The following FAM210A variants were observed in gnomAD, a reference collection of about 807,000 sequenced individuals.
FAM210A encodes family with sequence similarity 210 member A.
FAM210A carries 13 observed loss-of-function variants against 25.3 expected under a neutral mutation model. The observed-to-expected ratio is 0.51, with a 90% CI of 0.33 to 0.82. FAM210A has a LOEUF of 0.82. FAM210A is among the 40% of genes least tolerant of loss of function. The probability of loss-of-function intolerance (pLI) is 0.02; values close to 1 mark genes in which losing one functional copy is unlikely to be tolerated. For missense variants in FAM210A, 319 were observed against 323.2 expected (o/e 0.99, Z 0.10); for synonymous variants, 125 against 118.7 (o/e 1.05, Z -0.35).
At chr18:13,720,439 CA>C (rs1341771123) in intron 1 of FAM210A, among the ~76,000 whole-genome samples, 1 of 152,086 alleles carries the variant, frequency 6.6e-6, no homozygotes, top group African/African-American at 2.4e-5. Context: ...CTCCAAAATC[CA>C]AAGAGGCCCA....
chr18:13,724,966 G>A (rs1359528710), intron 1 of FAM210A, among the ~76,000 whole-genome samples: 1 of 152,116 alleles, frequency 6.6e-6, no homozygotes, highest in Non-Finnish European at 1.5e-5. Context: ...TAGAGACGGG[G>A]TTTCACCATG....
In FAM210A at chr18:13,685,190, A is replaced by G. The variant is rs764435426; in HGVS notation, c.-28-3085T>C. Among the ~76,000 whole-genome samples, 6 of 152,260 alleles carry G rather than the reference A, an allele frequency of 3.9e-5. No homozygotes were observed. In the East Asian group the frequency reaches 5.8e-4, roughly 15 times the overall value. ...ACCCTATATAAATGGCTACTTTCCA[A>G]CTTGACTCTGGCATAACATCACATG... On this transcript the variant is annotated intron_variant, in intron 1 of 3. Transcript: ENST00000651643.
At position 13,666,629 on chromosome 18, in the gene FAM210A, T is replaced by A; in HGVS notation, c.670A>T (p.Thr224Ser). The A allele has an allele frequency of 6.2e-7, 1 of 1,614,214 alleles. No individual in the cohort carries two copies. Among genetic ancestry groups the A allele is most frequent in the East Asian group, 2.2e-5 (1 of 44,886 alleles). ...AGATACTCCTTGACGGGTGGCGGCG[T>A]GGACATGTAGCCATGACTGCGCAGA... is the stretch of plus-strand genomic sequence containing the variant. ...KYLRSHGYMS[T>S]PPPVKEYLQD... Residue 224 changes from threonine to serine, a missense_variant, in exon 4 of 4, where the codon ACG becomes TCG. Coordinates refer to ENST00000651643, the MANE Select transcript of FAM210A (RefSeq NM_152352.4).
At chr18:13,691,204 G>A (rs2043641474) in intron 1 of FAM210A, among the ~76,000 whole-genome samples, 1 of 152,062 alleles carries the variant, frequency 6.6e-6, no homozygotes, top group Admixed American at 6.5e-5. Flanking sequence ...GAAGTTTAGA[G>A]AAAAAAGAAT....
chr18:13,703,704 G>A (rs1302979136), intron 1 of FAM210A, among the ~76,000 whole-genome samples: 1 of 152,154 alleles, frequency 6.6e-6, no homozygotes, highest in Non-Finnish European at 1.5e-5. Flanking sequence ...TATGTGTTGT[G>A]TGTATAGCGT....
chr18:13,691,587 G>C (rs933355909), intron 1 of FAM210A, among the ~76,000 whole-genome samples: 4 of 152,110 alleles, frequency 2.6e-5, no homozygotes, highest in African/African-American at 9.7e-5. Flanking sequence ...CCAGAAGAGA[G>C]TGGGGGTCAA....
At chr18:13,713,977 T>A (rs1257975099) in intron 1 of FAM210A, among the ~76,000 whole-genome samples, 1 of 152,174 alleles carries the variant, frequency 6.6e-6, no homozygotes, top group Non-Finnish European at 1.5e-5. Flanking sequence ...TTATAACTCC[T>A]CCAGGGGTAC....
intron 1 of FAM210A, among the ~76,000 whole-genome samples, chr18:13,706,289 T>C (rs1465575390): frequency 3.3e-5 from 5 of 149,796 alleles, no homozygotes; most frequent in Admixed American, 3.3e-4. Context: ...TCTACTACCA[T>C]GAGACTCTTA....
intron 1 of FAM210A, among the ~76,000 whole-genome samples, chr18:13,682,634 T>G (rs2043565235): frequency 6.6e-6 from 1 of 150,564 alleles, no homozygotes; most frequent in Non-Finnish European, 1.5e-5. Flanking sequence ...TTTGGGAGTC[T>G]GAGGCAGGCG....
intron 1 of FAM210A, among the ~76,000 whole-genome samples, chr18:13,698,170 T>G (rs545664873): frequency 6.6e-6 from 1 of 151,744 alleles, no homozygotes; most frequent in Non-Finnish European, 1.5e-5. Flanking sequence ...CTGCCCAACA[T>G]GGTAAAACCC....
intron 1 of FAM210A, among the ~76,000 whole-genome samples, chr18:13,698,592 G>A (rs1404650425): frequency 1.3e-5 from 2 of 152,066 alleles, no homozygotes; most frequent in Non-Finnish European, 2.9e-5. Flanking sequence ...CTTGGTCAGA[G>A]TGAAACATTC....
chr18:13,696,753 A>G (rs922024249), intron 1 of FAM210A, among the ~76,000 whole-genome samples: 5 of 152,246 alleles, frequency 3.3e-5, no homozygotes, highest in African/African-American at 1.2e-4. Context: ...GCAAAAGCTT[A>G]TAAGCATAAA....
chr18:13,681,587 A>C lies in FAM210A; in HGVS notation c.473+18T>G, dbSNP rs891305620. On this transcript the variant is annotated intron_variant, in intron 2 of 3. Coordinates refer to ENST00000651643, the MANE Select transcript of FAM210A (RefSeq NM_152352.4). The stretch of plus-strand genomic sequence containing the variant: ...TCTGGTAAGACAGGGAAAGACATTC[A>C]ACTAAGCAAAAACTTACTTCAAGGC... 1.2e-5 allele frequency: 19 copies of C among 1,557,960 alleles called. No individual in the cohort carries two copies. Among genetic ancestry groups the C allele is most frequent in the Non-Finnish European group, 1.6e-5 (18 of 1,152,264 alleles).
chr18:13,671,915 T>C lies in FAM210A; in HGVS notation c.532A>G (p.Ile178Val). The change falls in exon 3 of 4, where the codon ATC becomes GTC. Residue 178 changes from isoleucine (I) to valine (V), a missense_variant. By Grantham distance (29) the Ile-to-Val change is conservative. Coordinates refer to ENST00000651643, the MANE Select transcript of FAM210A (RefSeq NM_152352.4). ...TTTCCACTCTGGGAGTTTTTCAGGA[T>C]GCTTACCACACTGTCAGGTAACCCA... ...LIGLPDSVVS[I>V]LKNSQSGNAL... 2 of 1,613,514 alleles carry C rather than the reference T, an allele frequency of 1.2e-6. No individual in the cohort carries two copies. Among genetic ancestry groups the C allele is most frequent in the Non-Finnish European group, 8.5e-7 (1 of 1,179,858 alleles).
At chr18:13,716,850 A>G (rs1385460801) in intron 1 of FAM210A, among the ~76,000 whole-genome samples, 1 of 152,180 alleles carries the variant, frequency 6.6e-6, no homozygotes, top group Non-Finnish European at 1.5e-5. Flanking sequence ...CTGTGAGTCA[A>G]TTAAACCTCT....
In FAM210A at chr18:13,686,168, T is replaced by C. The variant is rs184024028; in HGVS notation, c.-28-4063A>G. ...TATTAAAAAAGCAATAAAGGAATAC[T>C]ATGAATAACTTTAACTCTATGCCTG... On this transcript the variant is annotated intron_variant, in intron 1 of 3. Coordinates refer to ENST00000651643, the MANE Select transcript of FAM210A (RefSeq NM_152352.4). Among the ~76,000 whole-genome samples, 4 of 152,284 alleles carry C rather than the reference T, an allele frequency of 2.6e-5. No homozygotes were observed. The East Asian group carries it at 7.7e-4, about 29-fold the overall frequency.
In FAM210A at chr18:13,671,909, T is replaced by C. The variant is rs1190889137; in HGVS notation, c.538A>G (p.Lys180Glu). 1 of 1,613,668 alleles carries C rather than the reference T, an allele frequency of 6.2e-7. No homozygotes were observed. Among genetic ancestry groups the C allele is most frequent in the Non-Finnish European group, 8.5e-7 (1 of 1,179,854 alleles). ...GLPDSVVSILKNSQSGNALTA... is the reference protein window; with the variant it reads ...GLPDSVVSILENSQSGNALTA... Reference sequence around the variant, plus strand: ...AGGGCATTTCCACTCTGGGAGTTTTTCAGGATGCTTACCACACTGTCAGGT... The same window carrying C: ...AGGGCATTTCCACTCTGGGAGTTTTCCAGGATGCTTACCACACTGTCAGGT... The change falls in exon 3 of 4, where the codon AAA (lysine) becomes GAA (glutamate). Residue 180 changes from lysine (K) to glutamate (E), a missense_variant. By Grantham distance (56) the Lys-to-Glu change is moderately conservative. Coordinates refer to ENST00000651643, the MANE Select transcript of FAM210A (RefSeq NM_152352.4).
rs1470675077 is a variant in FAM210A at position 13,671,937 on chromosome 18, C to T, written c.510G>A (p.Gly170=). The change falls in exon 3 of 4, where the codon GGG becomes GGA. Residue 170 remains glycine, a synonymous_variant. Transcript: ENST00000651643. ...GGATGCTTACCACACTGTCAGGTAACCCAATGAGTTCTAGAAAAGGAACGA... is the reference window on the plus strand; with the variant it reads ...GGATGCTTACCACACTGTCAGGTAATCCAATGAGTTCTAGAAAAGGAACGA... ...VNVVPFLELI[G]LPDSVVSILK... 1.2e-6 allele frequency: 2 copies of T among 1,612,800 alleles called. No individual in the cohort carries two copies. Among genetic ancestry groups the T allele is most frequent in the Non-Finnish European group, 8.5e-7 (1 of 1,179,508 alleles).
At position 13,666,494 on chromosome 18, in the gene FAM210A, TC is replaced by T; in HGVS notation, c.804del (p.Val271TrpfsTer10). 1 of 1,613,604 alleles carries T rather than the reference TC, an allele frequency of 6.2e-7. No individual in the cohort carries two copies. The highest frequency in any genetic ancestry group is 8.5e-7 in the Non-Finnish European group (1 of 1,179,734). ...TATAAGGCACCTTATTCCACTTTTT[TC>T]TTAAAGGAAACTTTTTCTTTGGTTT... ...LQETKEKVSF[K>X]KKVE On this transcript the variant is annotated frameshift_variant, in exon 4 of 4. Coordinates refer to ENST00000651643, the MANE Select transcript of FAM210A (RefSeq NM_152352.4). LOFTEE classifies it high-confidence loss of function.
Sources: gnomAD v4.1 joint callset for allele counts (sites outside exome capture counted in the v4.1 genomes callset) on GRCh38, gnomAD v4.1.1 for gene constraint, MANE v1.5 for transcripts, NCBI Gene and HGNC (gene_info 2026-07-23, HGNC 2026-07-21) for gene names.